The following MAST4 variants were observed in gnomAD, a reference collection of about 807,000 sequenced individuals.
The protein encoded by MAST4 is microtubule-associated serine/threonine-protein kinase 4.
A neutral mutation model predicts 162.7 loss-of-function variants in MAST4; 89 were observed. The ratio of observed to expected loss-of-function variants is 0.55; its 90% CI spans 0.46 to 0.65. The LOEUF is 0.65. Ranked by LOEUF, MAST4 falls within the 30% of genes least tolerant of loss-of-function variation. The pLI, the probability that MAST4 is intolerant of heterozygous loss-of-function variation, is 0.00. For missense variants in MAST4, 3,153 were observed against 3,374.0 expected (o/e 0.93, Z 1.62); for synonymous variants, 1,479 against 1,361.1 (o/e 1.09, Z -1.91).
intron 3 of MAST4, among the ~76,000 whole-genome samples, chr5:66,825,980 C>G (rs1459020716): frequency 2.0e-5 from 3 of 152,142 alleles, no homozygotes; most frequent in East Asian, 1.9e-4. Flanking sequence ...TGATTATTAC[C>G]TGTGAATAGT....
At chr5:66,940,129 A>G (rs888264689) in intron 4 of MAST4, among the ~76,000 whole-genome samples, 2 of 152,172 alleles carry the variant, frequency 1.3e-5, no homozygotes, top group Non-Finnish European at 1.5e-5. Flanking sequence ...ACACACACAC[A>G]TATCTTAATT....
Position 67,166,960 on chromosome 5 carries a change from C to T in MAST4, c.7781C>T (p.Pro2594Leu), listed in dbSNP as rs745802491. The T allele has an allele frequency of 3.7e-6, 6 of 1,612,694 alleles. No homozygotes were observed. The Admixed American group carries it at 8.3e-5, about 22-fold the overall frequency. The change falls in exon 29 of 29, where the codon CCC becomes CTC. Residue 2594 changes from proline to leucine, a missense_variant. Pro to Leu is a moderately conservative substitution (Grantham distance 98). Around this residue, in one of 7 missense-constraint regions of MAST4, gnomAD observed 1,644 missense variants for 1,495.0 expected, o/e 1.10. Transcript: ENST00000403625. ...TCCCCAGCCCCAAACACTGACCGCCCCATCTCTCTTTCTAATGAGAAGGAC... is the reference window on the plus strand; with the variant it reads ...TCCCCAGCCCCAAACACTGACCGCCTCATCTCTCTTTCTAATGAGAAGGAC... ...KPSPAPNTDR[P>L]ISLSNEKDFV...
chr5:67,095,021 G>C (rs1318664790), intron 6 of MAST4, among the ~76,000 whole-genome samples: 1 of 152,182 alleles, frequency 6.6e-6, no homozygotes, highest in Admixed American at 6.5e-5. Flanking sequence ...ACTCTTAAGA[G>C]ATTCTAAGCA....
chr5:66,807,973 G>GATA (rs1462235880), intron 3 of MAST4, among the ~76,000 whole-genome samples: 1 of 152,204 alleles, frequency 6.6e-6, no homozygotes, highest in Non-Finnish European at 1.5e-5. Context: ...TCACTCCAAG[G>GATA]ATAATGTTTA....
chr5:66,833,612 T>A (rs2053692), intron 3 of MAST4, among the ~76,000 whole-genome samples: 1 of 152,230 alleles, frequency 6.6e-6, no homozygotes, highest in Non-Finnish European at 1.5e-5. Flanking sequence ...CCAAACTGCA[T>A]GTATCCCGTT....
At chr5:66,607,424 G>A (rs1300714920) in intron 1 of MAST4, among the ~76,000 whole-genome samples, 1 of 152,114 alleles carries the variant, frequency 6.6e-6, no homozygotes, top group Non-Finnish European at 1.5e-5. Context: ...TTTTCCTGTT[G>A]GCTTTGGGGA....
intron 12 of MAST4, chr5:67,114,521 G>A (rs1396638367): frequency 2.1e-5 from 6 of 279,146 alleles, no homozygotes; most frequent in Non-Finnish European, 3.3e-5. Context: ...TCACTGAGTA[G>A]TTTTTCTCTT....
intron 4 of MAST4, among the ~76,000 whole-genome samples, chr5:66,987,690 T>C (rs1271255107): frequency 6.6e-6 from 1 of 152,184 alleles, no homozygotes; most frequent in Non-Finnish European, 1.5e-5. Context: ...TTTCAAGCCG[T>C]ACAGATCATG....
At chr5:67,070,355 A>G (rs1181005251) in intron 5 of MAST4, among the ~76,000 whole-genome samples, 2 of 152,030 alleles carry the variant, frequency 1.3e-5, no homozygotes, top group African/African-American at 2.4e-5. Flanking sequence ...TACTGTTCCT[A>G]TTGTTGACAA....
intron 4 of MAST4, among the ~76,000 whole-genome samples, chr5:66,920,569 C>T (rs1236451378): frequency 5.3e-5 from 8 of 152,158 alleles, no homozygotes; most frequent in Non-Finnish European, 1.2e-4. Context: ...CAGCTCACCA[C>T]AACCTCCGCC....
intron 3 of MAST4, among the ~76,000 whole-genome samples, chr5:66,865,116 TGCTGGA>T (rs1278635198): frequency 6.6e-6 from 1 of 152,234 alleles, no homozygotes; most frequent in Non-Finnish European, 1.5e-5. Context: ...TGGTGTTCTT[TGCTGGA>T]GATGACAAAC....
In MAST4 at chr5:66,889,184, T is replaced by C. The variant is rs180677532; in HGVS notation, c.643-10767T>C. ...CGAATTTACTGTAATTTGCTGGTAA[T>C]GGATGGAAGAACTGAAAAAATTGTG... On this transcript the variant is annotated intron_variant, in intron 3 of 28. Transcript: ENST00000403625. Among the ~76,000 whole-genome samples, 369 of 152,274 alleles carry C rather than the reference T, an allele frequency of 2.4e-3. 3 individuals are homozygous for C. The highest frequency in any genetic ancestry group is 8.6e-3 in the African/African-American group (356 of 41,552).
At chr5:66,731,288 G>A (rs897533093) in intron 1 of MAST4, among the ~76,000 whole-genome samples, 1 of 147,564 alleles carries the variant, frequency 6.8e-6, no homozygotes, top group African/African-American at 2.7e-5. Context: ...GAGACACTGG[G>A]GTATATCTGC....
At chr5:66,800,762 ATTC>A (rs1337569255) in intron 3 of MAST4, among the ~76,000 whole-genome samples, 1 of 152,190 alleles carries the variant, frequency 6.6e-6, no homozygotes, top group Non-Finnish European at 1.5e-5. Flanking sequence ...ATTTCTTTTC[ATTC>A]TTCTCATTGG....
chr5:66,756,789 G>A (rs954472033), intron 1 of MAST4, among the ~76,000 whole-genome samples: 3 of 152,210 alleles, frequency 2.0e-5, no homozygotes, highest in African/African-American at 7.2e-5. Flanking sequence ...GAGAGAGCCT[G>A]TTGGGAGTGT....
intron 2 of MAST4, among the ~76,000 whole-genome samples, chr5:66,774,902 G>A (rs758526275): frequency 1.3e-5 from 2 of 152,072 alleles, no homozygotes. Flanking sequence ...GTGCCTAGGC[G>A]TTATCAGACA....
chr5:67,067,150 A>G (rs759201489), intron 5 of MAST4, among the ~76,000 whole-genome samples: 2 of 152,226 alleles, frequency 1.3e-5, no homozygotes, highest in South Asian at 2.1e-4. Flanking sequence ...TCCTTCTACT[A>G]TGTAACTCAG....
At chr5:67,058,592 CA>C (rs1759157575) in intron 5 of MAST4, among the ~76,000 whole-genome samples, 1 of 152,118 alleles carries the variant, frequency 6.6e-6, no homozygotes, top group South Asian at 2.1e-4. Flanking sequence ...ATAGTTGTTA[CA>C]AAGAACAAGG....
intron 1 of MAST4, among the ~76,000 whole-genome samples, chr5:66,679,080 T>A (rs764002508): frequency 7.2e-5 from 11 of 152,212 alleles, no homozygotes; most frequent in Non-Finnish European, 1.6e-4. Flanking sequence ...TGTAAGCCAC[T>A]GCTGGTAGCC....
Sources: allele counts gnomAD v4.1 joint callset (sites outside exome capture counted in the v4.1 genomes callset), GRCh38; gene constraint gnomAD v4.1.1; regional missense constraint gnomAD v4.1.1; transcripts MANE v1.5; gene names NCBI Gene and HGNC (gene_info 2026-07-23, HGNC 2026-07-21).